TRIM63: variants seen among roughly 807,000 people sequenced by gnomAD.
The protein encoded by TRIM63 is E3 ubiquitin-protein ligase TRIM63.
Under a neutral mutation model 46.0 loss-of-function variants are expected in TRIM63, and 48 were observed. The ratio of observed to expected loss-of-function variants is 1.04; its 90% CI spans 0.83 to 1.33. The LOEUF is 1.33. Ranked by LOEUF, TRIM63 falls within the 40% of genes most tolerant of loss-of-function variation. The pLI, the probability that TRIM63 is intolerant of heterozygous loss-of-function variation, is 0.00. For synonymous variants in TRIM63, 175 were observed against 162.8 expected (o/e 1.08, Z -0.57); for missense variants, 455 against 441.2 (o/e 1.03, Z -0.28).
At chr1:26,061,050 G>T in intron 3 of TRIM63, 116 bp downstream of exon 3, 1 of 1,195,614 alleles carries the variant, frequency 8.4e-7, no homozygotes, top group Non-Finnish European at 1.2e-6. Context: ...TCCCTCCAGA[G>T]AGACTATTCC....
At chr1:26,059,564 A>T (rs1250139668) in intron 4 of TRIM63, among the ~76,000 whole-genome samples, 1 of 152,076 alleles carries the variant, frequency 6.6e-6, no homozygotes, top group Non-Finnish European at 1.5e-5. Flanking sequence ...GTGTGACAAT[A>T]GCATCTCATC....
chr1:26,052,729 A>T (rs554877783), intron 8 of TRIM63, among the ~76,000 whole-genome samples: 143 of 152,188 alleles, frequency 9.4e-4, no homozygotes, highest in Non-Finnish European at 1.7e-3. Flanking sequence ...GGCCTCCCAA[A>T]GTGCTAGGAT....
At chr1:26,063,648 T>C (rs970192086) in intron 2 of TRIM63, among the ~76,000 whole-genome samples, 5 of 152,206 alleles carry the variant, frequency 3.3e-5, no homozygotes, top group Admixed American at 3.3e-4. Flanking sequence ...TCGGGGTTCA[T>C]ATCCAGATTG....
intron 4 of TRIM63, among the ~76,000 whole-genome samples, 197 bp downstream of exon 4, chr1:26,060,069 C>T (rs970060302): frequency 3.9e-5 from 6 of 152,120 alleles, no homozygotes; most frequent in Non-Finnish European, 7.4e-5. Flanking sequence ...TGGGTGGGGC[C>T]GGACACACAG....
rs1359846866 is a variant in TRIM63, at chr1:26,061,240, A to G, written c.427T>C (p.Ser143Pro). ...YCLTCEVPTCSMCKVFGIHKA... is the reference protein window; with the variant it reads ...YCLTCEVPTCPMCKVFGIHKA... ...TGGATCCCAAACACCTTGCACATGG[A>G]GCAGGTGGGCACCTCACACGTGAGA... Residue 143 changes from serine (S) to proline (P), a missense_variant, in exon 3 of 9, where the codon TCC becomes CCC. Transcript: ENST00000374272. 8 of 1,614,130 alleles carry G rather than the reference A, an allele frequency of 5.0e-6. No individual in the cohort carries two copies. The highest frequency in any genetic ancestry group is 6.8e-6 in the Non-Finnish European group (8 of 1,180,006).
At chr1:26,054,049 T>G in intron 7 of TRIM63, 85 bp from the exon 8 acceptor site, 1 of 932,898 alleles carries the variant, frequency 1.1e-6, no homozygotes, top group Non-Finnish European at 1.6e-6. Context: ...GAGAGCACGG[T>G]CTAAACCCCT....
intron 4 of TRIM63, 48 bp downstream of exon 4, chr1:26,060,218 G>T (rs758575769): frequency 6.5e-7 from 1 of 1,544,716 alleles, no homozygotes; most frequent in Non-Finnish European, 8.9e-7. Context: ...AGACCAGGCT[G>T]CCCTGGAAAG....
At chr1:26,058,317 G>T in intron 5 of TRIM63, 73 bp downstream of exon 5, 2 of 1,357,178 alleles carry the variant, frequency 1.5e-6, no homozygotes, top group South Asian at 2.5e-5. Flanking sequence ...GGTGGTCAGT[G>T]GGGAAGCATA....
chr1:26,054,167 G>C (rs139113691), intron 7 of TRIM63, among the ~76,000 whole-genome samples: 1 of 152,192 alleles, frequency 6.6e-6, no homozygotes, highest in East Asian at 1.9e-4. Flanking sequence ...GCAATCCCCC[G>C]CACTCCGTCC....
chr1:26,059,362 A>G (rs139075746), intron 4 of TRIM63, among the ~76,000 whole-genome samples: 374 of 152,040 alleles, frequency 2.5e-3, no homozygotes, highest in African/African-American at 8.6e-3. Context: ...TAGCTGTGTG[A>G]CCTTCAACAA....
Position 26,057,284 on chromosome 1 carries a change from G to T in TRIM63, c.898C>A (p.Gln300Lys), listed in dbSNP as rs753982125. Residue 300 changes from glutamine (Q) to lysine (K), a missense_variant, in exon 7 of 9, where the codon CAG (glutamine) becomes AAG (lysine). Coordinates refer to ENST00000374272, the MANE Select transcript of TRIM63 (RefSeq NM_032588.4). Reference sequence around the variant, plus strand: ...AAGAAGTCCATGTTCTCAAAGCCCTGCTCTGTCTTCCCCAGCTGGCAGCCC... The same window carrying T: ...AAGAAGTCCATGTTCTCAAAGCCCTTCTCTGTCTTCCCCAGCTGGCAGCCC... ...SKGCQLGKTEQGFENMDFFTL... is the reference protein window; with the variant it reads ...SKGCQLGKTEKGFENMDFFTL... The T allele has an allele frequency of 6.2e-7, 1 of 1,614,048 alleles. No individual in the cohort carries two copies. The highest frequency in any genetic ancestry group is 8.5e-7 in the Non-Finnish European group (1 of 1,180,026).
intron 7 of TRIM63, 73 bp from the exon 8 acceptor site, chr1:26,054,037 G>A (rs1345844285): frequency 1.8e-6 from 2 of 1,114,612 alleles, no homozygotes; most frequent in African/African-American, 3.2e-5. Flanking sequence ...AACCAGGCAA[G>A]AGAGAGCACG....
chr1:26,060,550 C>T (rs1384735880), intron 3 of TRIM63, among the ~76,000 whole-genome samples, 189 bp from the exon 4 acceptor site: 1 of 152,170 alleles, frequency 6.6e-6, no homozygotes, highest in Non-Finnish European at 1.5e-5. Flanking sequence ...TACTGCATCC[C>T]TTATTTTACA....
At chr1:26,056,310 A>G (rs143973151) in intron 7 of TRIM63, among the ~76,000 whole-genome samples, 2 of 152,260 alleles carry the variant, frequency 1.3e-5, no homozygotes, top group East Asian at 3.9e-4. Flanking sequence ...CACTCTATGG[A>G]AGAGTAATTA....
intron 8 of TRIM63, among the ~76,000 whole-genome samples, chr1:26,052,514 G>A (rs1248622673): frequency 6.6e-6 from 1 of 152,162 alleles, no homozygotes; most frequent in African/African-American, 2.4e-5. Flanking sequence ...GCCCAGGCTG[G>A]AGTGAAGTGG....
rs747507208 is a variant in TRIM63, at chr1:26,055,287, A to G, written c.980-1323T>C. 2.8e-4 allele frequency among the ~76,000 whole-genome samples: 42 copies of G among 152,310 alleles called. 1 individual carries two copies. Among genetic ancestry groups the G allele is most frequent in the Non-Finnish European group, 5.1e-4 (35 of 68,034 alleles). On this transcript the variant is annotated intron_variant, in intron 7 of 8. Transcript: ENST00000374272. ...TTAAGTTCCCTCAACTACAAAATAG[A>G]GATGGTAACAGAACCTATCCCATGA...
chr1:26,058,607 A>G lies in TRIM63; in HGVS notation c.614T>C (p.Val205Ala), dbSNP rs761453678. The G allele has an allele frequency of 1.4e-5, 23 of 1,613,888 alleles. No individual in the cohort carries two copies. The highest frequency in any genetic ancestry group is 1.9e-5 in the Non-Finnish European group (22 of 1,180,018). ...RRVTKENSHQ[V>A]KEELSQKFDT... The stretch of plus-strand genomic sequence containing the variant: ...AAACTTCTGGCTCAGCTCTTCCTTT[A>G]CCTGGTGACTGTTCTCCTGAGGACG... Residue 205 changes from valine to alanine, a missense_variant, in exon 5 of 9, where the codon GTA becomes GCA. By Grantham distance (64) the Val-to-Ala change is moderately conservative. Transcript: ENST00000374272.
chr1:26,062,253 A>C (rs899976633), intron 2 of TRIM63, among the ~76,000 whole-genome samples: 35 of 149,158 alleles, frequency 2.3e-4, no homozygotes, highest in Non-Finnish European at 4.0e-4. Context: ...CTGGGCAACA[A>C]GAGCAAAACT....
In TRIM63 at chr1:26,051,819, T is replaced by G. The variant is rs1569723000; in HGVS notation, c.*54A>C. 4.1e-6 allele frequency: 2 copies of G among 482,972 alleles called. No individual in the cohort carries two copies. The highest frequency in any genetic ancestry group is 4.5e-5 in the African/African-American group (2 of 44,762). 29.9% of individuals were successfully genotyped at this position (482,972 alleles called of 1,614,324 possible). On this transcript the variant is annotated 3_prime_UTR_variant, in exon 9 of 9. Transcript: ENST00000374272. ...CCTGTCACCAAGGCCGCTGGGCCCC[T>G]CCCCACCCTCTCCAGTCTCTCTGCA...
Sources: gnomAD v4.1 joint callset for allele counts (sites outside exome capture counted in the v4.1 genomes callset) on GRCh38, gnomAD v4.1.1 for gene constraint, MANE v1.5 for transcripts, NCBI Gene and HGNC (gene_info 2026-07-23, HGNC 2026-07-21) for gene names.